The following GABRA4 variants were observed in gnomAD, a reference collection of about 807,000 sequenced individuals.
GABRA4 encodes the protein gamma-aminobutyric acid type A receptor subunit alpha4.
A neutral mutation model predicts 49.7 loss-of-function variants in GABRA4; 12 were observed. That is an observed-to-expected ratio of 0.24 (90% CI 0.15 to 0.39). GABRA4 has a LOEUF of 0.39. Among genes scored for constraint, GABRA4 ranks in the 10% least tolerant of loss-of-function variants. The pLI is 1.00. For synonymous variants in GABRA4, 288 were observed against 240.2 expected (o/e 1.20, Z -1.84); for missense variants, 506 against 686.0 (o/e 0.74, Z 2.93).
chr4:46,936,292 C>T (rs1163080730), intron 8 of GABRA4, among the ~76,000 whole-genome samples: 1 of 152,076 alleles, frequency 6.6e-6, no homozygotes, highest in Non-Finnish European at 1.5e-5. Flanking sequence ...TCTTGTTGCC[C>T]AGGCTGGAGT....
chr4:46,964,846 T>C lies in GABRA4; in HGVS notation c.1134+124A>G, dbSNP rs1028896291. ...GCTCATACAGTTACTTTTATGTTTT[T>C]CTGTATTTTTAAATGACTTACAAGT... is the stretch of plus-strand genomic sequence containing the variant. On this transcript the variant is annotated intron_variant, in intron 8 of 8. Transcript: ENST00000264318. The C allele has an allele frequency of 3.8e-6, 4 of 1,050,228 alleles. No homozygotes were observed. The African/African-American group carries it at 6.5e-5, about 17-fold the overall frequency. 65.1% of individuals were successfully genotyped at this position (1,050,228 alleles called of 1,614,324 possible).
intron 2 of GABRA4, among the ~76,000 whole-genome samples, chr4:46,982,491 T>A (rs1320866832): frequency 6.6e-6 from 1 of 151,962 alleles, no homozygotes; most frequent in Non-Finnish European, 1.5e-5. Context: ...CACTTTGGTA[T>A]CCCCAGAACT....
intron 8 of GABRA4, among the ~76,000 whole-genome samples, chr4:46,947,224 G>T (rs758659886): frequency 6.6e-6 from 1 of 151,752 alleles, no homozygotes; most frequent in Non-Finnish European, 1.5e-5. Context: ...GATAATGTTC[G>T]CTGTGAACTG....
chr4:46,957,841 T>C (rs1196859761), intron 8 of GABRA4, among the ~76,000 whole-genome samples: 2 of 151,892 alleles, frequency 1.3e-5, no homozygotes, highest in African/African-American at 4.8e-5. Context: ...GGTAAAAACA[T>C]GGATAAAAAT....
chr4:46,947,456 G>T (rs1480270098), intron 8 of GABRA4, among the ~76,000 whole-genome samples: 1 of 151,898 alleles, frequency 6.6e-6, no homozygotes, highest in East Asian at 1.9e-4. Context: ...ACATATTCCA[G>T]TTTAAAATGG....
intron 8 of GABRA4, among the ~76,000 whole-genome samples, chr4:46,947,008 T>C (rs1404195802): frequency 6.6e-6 from 1 of 152,024 alleles, no homozygotes; most frequent in Non-Finnish European, 1.5e-5. Context: ...ATCAGAACTC[T>C]TTTTCTCATG....
At chr4:46,989,915 A>C (rs1355439195) in intron 2 of GABRA4, among the ~76,000 whole-genome samples, 1 of 152,234 alleles carries the variant, frequency 6.6e-6, no homozygotes, top group African/African-American at 2.4e-5. Flanking sequence ...GATTTGTGGT[A>C]TCTAAGAGTC....
chr4:46,931,232 C>T (rs944900577), intron 8 of GABRA4, among the ~76,000 whole-genome samples: 2 of 152,000 alleles, frequency 1.3e-5, no homozygotes, highest in Non-Finnish European at 2.9e-5. Flanking sequence ...TGCATGTTTC[C>T]ACCTGCTGCA....
At chr4:46,940,225 A>G (rs905683885) in intron 8 of GABRA4, among the ~76,000 whole-genome samples, 1 of 152,104 alleles carries the variant, frequency 6.6e-6, no homozygotes. Context: ...TTAAAAAGCT[A>G]TTTAAAAATT....
At chr4:46,950,534 A>G (rs986496680) in intron 8 of GABRA4, among the ~76,000 whole-genome samples, 2 of 151,852 alleles carry the variant, frequency 1.3e-5, no homozygotes, top group South Asian at 2.1e-4. Flanking sequence ...TTTAAAAGCC[A>G]TTTTTCTCTA....
intron 8 of GABRA4, among the ~76,000 whole-genome samples, chr4:46,955,478 A>G (rs928096034): frequency 5.9e-5 from 9 of 152,074 alleles, no homozygotes; most frequent in African/African-American, 1.4e-4. Context: ...GGTAATACTT[A>G]ATTTATTACT....
intron 3 of GABRA4, among the ~76,000 whole-genome samples, chr4:46,978,751 C>T (rs928919208): frequency 8.5e-6 from 1 of 118,274 alleles, no homozygotes; most frequent in African/African-American, 3.2e-5. Context: ...AAAAGGAAAG[C>T]AAAAAAGCTG....
chr4:46,948,967 A>C lies in GABRA4; in HGVS notation c.1134+16003T>G, dbSNP rs1170547199. Among the ~76,000 whole-genome samples, 4 of 152,134 alleles carry C rather than the reference A, an allele frequency of 2.6e-5. No individual in the cohort carries two copies. In the East Asian group the frequency reaches 7.7e-4, roughly 29 times the overall value. On this transcript the variant is annotated intron_variant, in intron 8 of 8. Transcript: ENST00000264318. The stretch of plus-strand genomic sequence containing the variant: ...TAAATGAGGACTATAGTCTGGTAAC[A>C]AAATCTCTGAGAACAAAGCAGCAGT...
intron 8 of GABRA4, 109 bp downstream of exon 8, chr4:46,964,861 G>T: frequency 1.7e-6 from 2 of 1,158,490 alleles, no homozygotes; most frequent in Non-Finnish European, 2.4e-6. Context: ...ATTTTTAAAT[G>T]ACTTACAAGT....
chr4:46,955,567 A>C (rs368733587), intron 8 of GABRA4, among the ~76,000 whole-genome samples: 23 of 152,110 alleles, frequency 1.5e-4, no homozygotes, highest in African/African-American at 5.5e-4. Flanking sequence ...CCTTCACAGC[A>C]TTTTTGTCAC....
At chr4:46,974,118 T>A in intron 6 of GABRA4, 114 bp downstream of exon 6, 1 of 1,020,574 alleles carries the variant, frequency 9.8e-7, no homozygotes, top group Non-Finnish European at 1.4e-6. Flanking sequence ...ACTCTATTTC[T>A]GGAAAATGTT....
In GABRA4 at chr4:46,919,798, C is replaced by T. The variant is rs1189741531; in HGVS notation, c.*8427G>A. The stretch of plus-strand genomic sequence containing the variant: ...AAAGTAATTATCAGGGGATTTCCTT[C>T]ATTAAGGATAAGCCAGTGGAAAAAA... On this transcript the variant is annotated 3_prime_UTR_variant, in exon 9 of 9. Coordinates refer to ENST00000264318, the MANE Select transcript of GABRA4 (RefSeq NM_000809.4). The T allele has an allele frequency of 6.6e-6, 1 of 151,608 alleles. No homozygotes were observed. Among genetic ancestry groups the T allele is most frequent in the Non-Finnish European group, 1.5e-5 (1 of 67,634 alleles). 9.4% of individuals were successfully genotyped at this position (151,608 alleles called of 1,614,324 possible). A position where few individuals can be genotyped will look rare whatever the true frequency, so the allele number is the denominator to read the frequency against.
chr4:46,967,606 A>T (rs1022280180), intron 7 of GABRA4, among the ~76,000 whole-genome samples: 7 of 151,722 alleles, frequency 4.6e-5, no homozygotes, highest in Non-Finnish European at 1.0e-4. Flanking sequence ...CCAGTGGAAT[A>T]GCAAACAGAA....
Position 46,981,726 on chromosome 4 carries a change from C to T in GABRA4, c.206-2628G>A, listed in dbSNP as rs184532885. ...AAAAGATAAACTAAATGACAGAATG[C>T]TATCATTTCTAAGAGGAAAAATACA... On this transcript the variant is annotated intron_variant, in intron 2 of 8. Coordinates refer to ENST00000264318, the MANE Select transcript of GABRA4 (RefSeq NM_000809.4). Among the ~76,000 whole-genome samples the T allele has an allele frequency of 2.5e-3, 373 of 152,182 alleles. 4 individuals carry two copies. Among genetic ancestry groups the T allele is most frequent in the Non-Finnish European group, 7.4e-4 (50 of 67,998 alleles).
Sources: gnomAD v4.1 joint callset for allele counts (sites outside exome capture counted in the v4.1 genomes callset) on GRCh38, gnomAD v4.1.1 for gene constraint, MANE v1.5 for transcripts, NCBI Gene and HGNC (gene_info 2026-07-23, HGNC 2026-07-21) for gene names.